The following SLC25A12 variants were observed in gnomAD, a reference collection of about 807,000 sequenced individuals.
The protein encoded by SLC25A12 is electrogenic aspartate/glutamate antiporter SLC25A12, mitochondrial.
A neutral mutation model predicts 83.3 loss-of-function variants in SLC25A12; 32 were observed. That is an observed-to-expected ratio of 0.38 (90% CI 0.29 to 0.52). The LOEUF (loss-of-function observed/expected upper bound fraction) is 0.52, where lower values mean the gene tolerates loss of function less well. Among genes scored for constraint, SLC25A12 ranks in the 20% least tolerant of loss-of-function variants. The probability of loss-of-function intolerance (pLI) is 0.84; values close to 1 mark genes in which losing one functional copy is unlikely to be tolerated. For missense variants in SLC25A12, 611 were observed against 835.6 expected (o/e 0.73, Z 3.31); for synonymous variants, 267 against 291.1 (o/e 0.92, Z 0.84).
At chr2:171,846,411 C>A (rs989857530) in intron 4 of SLC25A12, among the ~76,000 whole-genome samples, 11 of 151,900 alleles carry the variant, frequency 7.2e-5, no homozygotes, top group African/African-American at 2.4e-4. Flanking sequence ...GAAATTGAAT[C>A]CCTTTTATAT....
At chr2:171,840,036 G>A (rs1194315897) in intron 5 of SLC25A12, among the ~76,000 whole-genome samples, 3 of 152,072 alleles carry the variant, frequency 2.0e-5, no homozygotes, top group African/African-American at 7.2e-5. Flanking sequence ...AGTGAAAAAA[G>A]GTAGTAAACT....
At chr2:171,888,328 G>C (rs1055629823) in intron 2 of SLC25A12, among the ~76,000 whole-genome samples, 1 of 150,060 alleles carries the variant, frequency 6.7e-6, no homozygotes, top group African/African-American at 2.4e-5. Context: ...TGAACTCCTG[G>C]CCTCAAGTGA....
At chr2:171,796,520 C>T (rs1301138522) in intron 13 of SLC25A12, among the ~76,000 whole-genome samples, 1 of 152,138 alleles carries the variant, frequency 6.6e-6, no homozygotes, top group Non-Finnish European at 1.5e-5. Flanking sequence ...AATTAACATA[C>T]AAGCCAAGTG....
At chr2:171,785,947 G>C (rs1690480677) in intron 17 of SLC25A12, among the ~76,000 whole-genome samples, 1 of 151,842 alleles carries the variant, frequency 6.6e-6, no homozygotes, top group South Asian at 2.1e-4. Flanking sequence ...TTTCTTTTAT[G>C]CTTTATGGTT....
intron 9 of SLC25A12, among the ~76,000 whole-genome samples, chr2:171,820,159 C>T (rs1454538749): frequency 6.6e-6 from 1 of 152,096 alleles, no homozygotes; most frequent in African/African-American, 2.4e-5. Context: ...ATACTATGTA[C>T]AAAAAAACCC....
chr2:171,787,729 G>C, intron 16 of SLC25A12, 60 bp downstream of exon 16: 1 of 1,608,756 alleles, frequency 6.2e-7, no homozygotes, highest in Non-Finnish European at 8.5e-7. Flanking sequence ...TAGCCACTGA[G>C]TCACAGGGGA....
chr2:171,822,255 A>G (rs949947829), intron 9 of SLC25A12, among the ~76,000 whole-genome samples: 3 of 152,176 alleles, frequency 2.0e-5, no homozygotes, highest in Non-Finnish European at 4.4e-5. Flanking sequence ...CTCATATTTG[A>G]TAACAGTAAT....
chr2:171,789,151 G>T (rs143409951), intron 15 of SLC25A12, among the ~76,000 whole-genome samples: 3 of 152,140 alleles, frequency 2.0e-5, no homozygotes, highest in Non-Finnish European at 4.4e-5. Flanking sequence ...GGTGGTTCAC[G>T]CTTGTAATCC....
rs547626884 is a variant in SLC25A12, at chr2:171,877,565, G to A, written c.67-8742C>T. Among the ~76,000 whole-genome samples the A allele has an allele frequency of 3.5e-4, 53 of 151,532 alleles. No homozygotes were observed. The South Asian group carries it at 4.8e-3, about 14-fold the overall frequency. On this transcript the variant is annotated intron_variant, in intron 2 of 17. Coordinates refer to ENST00000422440, the MANE Select transcript of SLC25A12 (RefSeq NM_003705.5). ...CTTCAATCCCAGCTACTCGAGAGGC[G>A]GAGGCAGGAGAATCACTTGAACCCA...
At chr2:171,808,399 C>T in intron 13 of SLC25A12, among the ~76,000 whole-genome samples, 1 of 141,076 alleles carries the variant, frequency 7.1e-6, no homozygotes, top group African/African-American at 2.6e-5. Context: ...GAATTTCTGT[C>T]AATAGCTGAA....
At chr2:171,868,057 G>A (rs1365442677) in intron 3 of SLC25A12, among the ~76,000 whole-genome samples, 2 of 151,806 alleles carry the variant, frequency 1.3e-5, no homozygotes, top group East Asian at 1.9e-4. Flanking sequence ...CATGTTAGCC[G>A]GGATGGTCTC....
chr2:171,785,856 G>C lies in SLC25A12; in HGVS notation c.1836-381C>G, dbSNP rs112430957. On this transcript the variant is annotated intron_variant, in intron 17 of 17. Transcript: ENST00000422440. ...TTGCTATGTTGCCAAAGCTGGTTTCGAACTTCTGGTCTAAGGAATCCTTCT... is the reference window on the plus strand; with the variant it reads ...TTGCTATGTTGCCAAAGCTGGTTTCCAACTTCTGGTCTAAGGAATCCTTCT... Among the ~76,000 whole-genome samples the C allele has an allele frequency of 6.7e-3, 1,020 of 151,938 alleles. 7 individuals are homozygous for C. Among genetic ancestry groups the C allele is most frequent in the African/African-American group, 0.019 (791 of 41,444 alleles).
intron 2 of SLC25A12, among the ~76,000 whole-genome samples, chr2:171,874,581 G>GAACAATT (rs1685525102): frequency 5.3e-5 from 8 of 152,170 alleles, no homozygotes; most frequent in Non-Finnish European, 1.2e-4. Context: ...TTGCCACAGA[G>GAACAATT]GTGTCTATTC....
intron 2 of SLC25A12, among the ~76,000 whole-genome samples, chr2:171,884,715 C>T (rs1685775873): frequency 6.6e-6 from 1 of 151,116 alleles, no homozygotes; most frequent in African/African-American, 2.4e-5. Flanking sequence ...GCAGTGGTTG[C>T]AGTGAGCTGA....
intron 4 of SLC25A12, among the ~76,000 whole-genome samples, chr2:171,849,907 T>C (rs1319762041): frequency 1.3e-5 from 2 of 151,142 alleles, no homozygotes; most frequent in African/African-American, 4.9e-5. Context: ...GTTCAAGAGA[T>C]TATCCCACCT....
intron 3 of SLC25A12, among the ~76,000 whole-genome samples, chr2:171,863,243 G>A (rs2105911889): frequency 6.6e-6 from 1 of 152,220 alleles, no homozygotes; most frequent in South Asian, 2.1e-4. Flanking sequence ...GAAGAAAAAT[G>A]GGCCAGGTGC....
chr2:171,889,282 C>T (rs1024247057), intron 2 of SLC25A12, among the ~76,000 whole-genome samples: 7 of 152,122 alleles, frequency 4.6e-5, no homozygotes, highest in Non-Finnish European at 8.8e-5. Context: ...AAATAGATGC[C>T]TTATCAATTA....
At chr2:171,894,088 G>T in intron 1 of SLC25A12, 115 bp downstream of exon 1, 1 of 1,396,026 alleles carries the variant, frequency 7.2e-7, no homozygotes, top group Non-Finnish European at 9.9e-7. Context: ...GGAGCCCCAG[G>T]ACAAGCTATC....
At chr2:171,786,105 G>A (rs904285505) in intron 17 of SLC25A12, among the ~76,000 whole-genome samples, 10 of 152,002 alleles carry the variant, frequency 6.6e-5, no homozygotes, top group African/African-American at 2.4e-4. Context: ...GCCGGGCATG[G>A]TGGCTCACGC....
Sources: allele counts gnomAD v4.1 joint callset (sites outside exome capture counted in the v4.1 genomes callset), GRCh38; gene constraint gnomAD v4.1.1; transcripts MANE v1.5; gene names NCBI Gene and HGNC (gene_info 2026-07-23, HGNC 2026-07-21).